Variants in CELF2 observed in about 807,000 individuals in gnomAD.
CELF2 encodes the protein CUGBP Elav-like family member 2.
In CELF2, 8 loss-of-function variants were observed where a neutral mutation model predicts 62.6. The ratio of observed to expected loss-of-function variants is 0.13; its 90% confidence interval spans 0.07 to 0.23. The LOEUF (loss-of-function observed/expected upper bound fraction) is 0.23. Among genes scored for constraint, CELF2 ranks in the 10% least tolerant of loss-of-function variants. CELF2 has a pLI of 1.00. For missense variants in CELF2, 333 were observed against 671.0 expected (o/e 0.50, Z 5.56); for synonymous variants, 258 against 250.0 (o/e 1.03, Z -0.30).
At chr10:11,164,796 C>A (rs1365449193) in intron 1 of CELF2, among the ~76,000 whole-genome samples, 1 of 152,118 alleles carries the variant, frequency 6.6e-6, no homozygotes, top group African/African-American at 2.4e-5. Context: ...CCAGCTCCGG[C>A]CTTTTTCTCC....
chr10:10,973,543 A>G (rs1441378904), intron 2 of CELF2, among the ~76,000 whole-genome samples: 1 of 152,148 alleles, frequency 6.6e-6, no homozygotes, highest in African/African-American at 2.4e-5. Context: ...ACCAGTTGCC[A>G]GCTCTTTAAA....
At chr10:11,092,711 A>T (rs1016193552) in intron 1 of CELF2, among the ~76,000 whole-genome samples, 3 of 152,224 alleles carry the variant, frequency 2.0e-5, no homozygotes, top group Non-Finnish European at 4.4e-5. Flanking sequence ...AGACAAGGCC[A>T]GAAAATTCTT....
chr10:10,852,202 C>T (rs1416400907), intron 1 of CELF2, among the ~76,000 whole-genome samples: 1 of 152,174 alleles, frequency 6.6e-6, no homozygotes, highest in Non-Finnish European at 1.5e-5. Flanking sequence ...ACCCAGATGT[C>T]CTTCAGTGTG....
chr10:11,179,615 G>T (rs574551096), intron 2 of CELF2, among the ~76,000 whole-genome samples: 1 of 152,176 alleles, frequency 6.6e-6, no homozygotes, highest in Non-Finnish European at 1.5e-5. Flanking sequence ...AGAACCCTAC[G>T]TGCCAGGCAG....
At chr10:10,875,396 G>C (rs12219881) in intron 1 of CELF2, among the ~76,000 whole-genome samples, 45,253 of 152,052 alleles carry the variant, frequency 0.3, 8,208 homozygotes, top group East Asian at 0.73. Context: ...ATTTTCAGAG[G>C]GGATTTTTAT....
At chr10:11,030,733 G>C (rs1295512933) in intron 1 of CELF2, 1 of 152,286 alleles carries the variant, frequency 6.6e-6, no homozygotes, top group Admixed American at 6.5e-5. Flanking sequence ...GGTTTTGAGT[G>C]TGAAATACAG....
intron 1 of CELF2, among the ~76,000 whole-genome samples, chr10:10,818,332 G>C (rs1419340497): frequency 6.6e-6 from 1 of 152,128 alleles, no homozygotes; most frequent in Non-Finnish European, 1.5e-5. Context: ...GAGGACCCAA[G>C]CAGATCCAGC....
chr10:10,745,584 A>G, the CELF2 span, among the ~76,000 whole-genome samples: 1 of 152,130 alleles, frequency 6.6e-6, no homozygotes, highest in Non-Finnish European at 1.5e-5. Flanking sequence ...CCTGCTTGCC[A>G]AGAGTTAGTA....
Position 11,268,661 on chromosome 10 carries a change from C to T in CELF2, c.618+1984C>T, listed in dbSNP as rs924851620. ...GTTTAAAACTGGACATTCATGCTTA[C>T]ACAGAGGGGTCCTCTGACACTTAAA... On this transcript the variant is annotated intron_variant, in intron 6 of 12. Transcript: ENST00000633077. This position sits in a 1 kb window ranked among gnomAD's most constrained non-coding sequence, Gnocchi z 4.7. 6.6e-6 allele frequency among the ~76,000 whole-genome samples: 1 copy of T among 151,244 alleles called. No homozygotes were observed. Among genetic ancestry groups the T allele is most frequent in the African/African-American group, 2.4e-5 (1 of 41,194 alleles).
chr10:11,205,714 C>G (rs561095449), intron 2 of CELF2, among the ~76,000 whole-genome samples: 1 of 152,282 alleles, frequency 6.6e-6, no homozygotes, highest in East Asian at 1.9e-4. Flanking sequence ...ACCACCTTGG[C>G]CCCAAAAGTG....
chr10:11,143,176 C>T (rs1406527205), intron 1 of CELF2, among the ~76,000 whole-genome samples: 1 of 152,194 alleles, frequency 6.6e-6, no homozygotes, highest in African/African-American at 2.4e-5. Flanking sequence ...GACACTTTTC[C>T]ATTCCATATC....
At chr10:11,308,657 T>C (rs113911848) in intron 9 of CELF2, among the ~76,000 whole-genome samples, 18 of 152,360 alleles carry the variant, frequency 1.2e-4, no homozygotes, top group African/African-American at 4.3e-4. Flanking sequence ...TCAGGTCACA[T>C]TTATTTATTA....
chr10:10,921,104 G>C (rs911738611), intron 2 of CELF2, among the ~76,000 whole-genome samples: 3 of 150,522 alleles, frequency 2.0e-5, no homozygotes, highest in Non-Finnish European at 3.0e-5. Flanking sequence ...ACAGGAGACT[G>C]CCACCATGCC....
At chr10:10,550,608 A>G in the CELF2 span, among the ~76,000 whole-genome samples, 54 of 151,996 alleles carry the variant, frequency 3.6e-4, no homozygotes, top group African/African-American at 1.2e-3. Flanking sequence ...TCTTGCAATG[A>G]GTTGATGCTG....
chr10:11,068,298 T>C (rs1414716495), intron 1 of CELF2, among the ~76,000 whole-genome samples: 2 of 152,172 alleles, frequency 1.3e-5, no homozygotes, highest in African/African-American at 2.4e-5. Flanking sequence ...GAAAATGATA[T>C]TACAAAACAG....
chr10:10,525,024 A>G, the CELF2 span, among the ~76,000 whole-genome samples: 1 of 152,148 alleles, frequency 6.6e-6, no homozygotes, highest in African/African-American at 2.4e-5. Context: ...CTTTCATTTT[A>G]TTGTATGTAC....
At chr10:10,554,388 T>A in the CELF2 span, among the ~76,000 whole-genome samples, 1 of 152,160 alleles carries the variant, frequency 6.6e-6, no homozygotes, top group Non-Finnish European at 1.5e-5. Flanking sequence ...CTGATCTGAT[T>A]GTGTCCTTCT....
At chr10:11,174,489 G>GGA (rs1254747186) in intron 2 of CELF2, among the ~76,000 whole-genome samples, 1 of 152,106 alleles carries the variant, frequency 6.6e-6, no homozygotes, top group African/African-American at 2.4e-5. Flanking sequence ...AATTCACATT[G>GGA]GAGAAACCCA....
At chr10:11,188,825 CT>C (rs1245002242) in intron 2 of CELF2, among the ~76,000 whole-genome samples, 3 of 151,998 alleles carry the variant, frequency 2.0e-5, no homozygotes, top group Non-Finnish European at 4.4e-5. Flanking sequence ...TTTTTTCTTC[CT>C]TTTTTAAAGT....
Sources: allele counts gnomAD v4.1 joint callset (sites outside exome capture counted in the v4.1 genomes callset), GRCh38; gene constraint gnomAD v4.1.1; non-coding constraint Gnocchi (gnomAD v3.1); transcripts MANE v1.5; gene names NCBI Gene and HGNC (gene_info 2026-07-23, HGNC 2026-07-21).